Variants in STARD8 observed in about 807,000 individuals in gnomAD.
STARD8 encodes stAR-related lipid transfer protein 8.
In STARD8, 25 loss-of-function variants were observed where a neutral mutation model predicts 69.4. The observed-to-expected ratio is 0.36, with a 90% CI of 0.26 to 0.50. The LOEUF is 0.50. Ranked by LOEUF, STARD8 falls within the 20% of genes least tolerant of loss-of-function variation. The pLI is 0.96. For synonymous variants in STARD8, 389 were observed against 374.6 expected (o/e 1.04, Z -0.45); for missense variants, 921 against 932.5 (o/e 0.99, Z 0.16).
chrX:68,718,181 G>A lies in STARD8; in HGVS notation c.1267G>A (p.Ala423Thr), dbSNP rs374827815. Residue 423 changes from alanine (A) to threonine (T), a missense_variant, in exon 6 of 15, where the codon GCC becomes ACC. Transcript: ENST00000374599. Reference protein sequence around the residue: ...LGPGDEEEEEATSSVEIATVE... With the variant: ...LGPGDEEEEETTSSVEIATVE... ...GCCTGGAGATGAGGAAGAGGAGGAG[G>A]CCACTTCATCAGTAGAAATAGCCAC... 15 of 1,209,956 alleles carry A rather than the reference G, an allele frequency of 1.2e-5. No individual in the cohort carries two copies. Among genetic ancestry groups the A allele is most frequent in the Non-Finnish European group, 1.7e-5 (15 of 895,145 alleles).
intron 2 of STARD8, among the ~76,000 whole-genome samples, chrX:68,675,993 T>C (rs777619855): frequency 1.8e-5 from 2 of 112,006 alleles, no homozygotes; most frequent in Admixed American, 1.9e-4. Context: ...AATGAAAGGA[T>C]TGGATCGGGT....
At chrX:68,652,952 C>CCA (rs1464114640) in intron 1 of STARD8, among the ~76,000 whole-genome samples, 1 of 43,961 alleles carries the variant, frequency 2.3e-5, no homozygotes, top group Non-Finnish European at 4.4e-5. Flanking sequence ...ACACACCACA[C>CCA]CACACACACA....
chrX:68,719,405 G>A lies in STARD8; in HGVS notation c.1889+7G>A. The A allele has an allele frequency of 1.7e-6, 2 of 1,151,343 alleles. No homozygotes were observed. The highest frequency in any genetic ancestry group is 2.3e-6 in the Non-Finnish European group (2 of 863,819). The allele number at this position is 1,151,343 out of a possible 1,213,427, so 94.9% of individuals were successfully genotyped here. A position where few individuals can be genotyped will look rare whatever the true frequency, so the allele number is the denominator to read the frequency against. On this transcript the variant is annotated splice_region_variant and intron_variant, in intron 7 of 14. Coordinates refer to ENST00000374599, the MANE Select transcript of STARD8 (RefSeq NM_001142503.3). ...ACAAGCAGGGCTGGGTCTGGTGAGT[G>A]GCTCCTGGGCCATGGAGGGTGGGGA...
chrX:68,657,782 T>C (rs1417904131), intron 1 of STARD8, among the ~76,000 whole-genome samples: 1 of 109,338 alleles, frequency 9.1e-6, no homozygotes, highest in Non-Finnish European at 1.9e-5. Context: ...ACAACTGGTG[T>C]GATTTACTCG....
chrX:68,647,800 C>G lies in STARD8; in HGVS notation c.-83C>G. On this transcript the variant is annotated 5_prime_UTR_variant, in exon 1 of 15. Coordinates refer to ENST00000374599, the MANE Select transcript of STARD8 (RefSeq NM_001142503.3). ...GGGCTGGCTCTCGCCGAGCCCCGGG[C>G]CTCTTTTAGCCTCGTCCCCAGAGAG... 9.0e-7 allele frequency: 1 copy of G among 1,115,827 alleles called. No homozygotes were observed. Among genetic ancestry groups the G allele is most frequent in the Non-Finnish European group, 1.2e-6 (1 of 830,910 alleles). The allele number at this position is 1,115,827 out of a possible 1,213,427, so 92.0% of individuals were successfully genotyped here.
intron 2 of STARD8, among the ~76,000 whole-genome samples, chrX:68,685,893 G>T (rs1411876150): frequency 2.7e-5 from 3 of 112,291 alleles, no homozygotes; most frequent in Non-Finnish European, 5.6e-5. Context: ...GGCGGTAAAG[G>T]GAGGCCGAGG....
chrX:68,678,716 T>C (rs1219253958), intron 2 of STARD8, among the ~76,000 whole-genome samples: 1 of 112,539 alleles, frequency 8.9e-6, no homozygotes, highest in East Asian at 2.8e-4. Context: ...TCCACAGTCA[T>C]GATCTGATTT....
chrX:68,710,036 G>A (rs1011448436), intron 2 of STARD8, among the ~76,000 whole-genome samples: 1 of 111,504 alleles, frequency 9.0e-6, no homozygotes, highest in Non-Finnish European at 1.9e-5. Flanking sequence ...ACAGCCTGGG[G>A]GGCTGGGGTT....
chrX:68,717,358 C>T lies in STARD8; in HGVS notation c.444C>T (p.Ser148=), dbSNP rs779324293. ...PGLPATSSCE[S]VLTELSATSL... ...TGCCAGCGACCTCAAGCTGTGAGAG[C>T]GTCCTCACCGAGCTTAGTGCCACCT... The change falls in exon 6 of 15, where the codon AGC becomes AGT. Residue 148 remains serine (S), a synonymous_variant. Transcript: ENST00000374599. The T allele has an allele frequency of 2.6e-5, 31 of 1,205,043 alleles. No homozygotes were observed. The highest frequency in any genetic ancestry group is 8.8e-5 in the Admixed American group (4 of 45,380).
chrX:68,703,555 G>A (rs2079982698), intron 2 of STARD8, among the ~76,000 whole-genome samples: 1 of 112,354 alleles, frequency 8.9e-6, no homozygotes, highest in Non-Finnish European at 1.9e-5. Flanking sequence ...CCCTTCCCGG[G>A]GAGGCCACTT....
chrX:68,671,377 A>G (rs1361382899), intron 2 of STARD8, among the ~76,000 whole-genome samples: 1 of 111,429 alleles, frequency 9.0e-6, no homozygotes, highest in East Asian at 2.8e-4. Flanking sequence ...AAAACATCAC[A>G]CTGTTCTGCA....
At chrX:68,713,614 GC>G (rs1462042160) in intron 3 of STARD8, among the ~76,000 whole-genome samples, 1 of 111,457 alleles carries the variant, frequency 9.0e-6, no homozygotes, top group African/African-American at 3.3e-5. Context: ...CTTCTGGAAT[GC>G]CCCCCTTTCC....
chrX:68,696,824 G>A (rs1221571076), intron 2 of STARD8, among the ~76,000 whole-genome samples: 2 of 111,579 alleles, frequency 1.8e-5, no homozygotes, highest in African/African-American at 3.3e-5. Context: ...CCAGTTCCAG[G>A]GAATGTACCA....
chrX:68,684,297 G>C (rs1262880784), intron 2 of STARD8, among the ~76,000 whole-genome samples: 3 of 112,619 alleles, frequency 2.7e-5, no homozygotes, highest in Admixed American at 9.4e-5. Context: ...CAGCAACAGG[G>C]CTCTGTGACT....
chrX:68,691,125 G>GCACA (rs943934643), intron 2 of STARD8, among the ~76,000 whole-genome samples: 15 of 110,181 alleles, frequency 1.4e-4, no homozygotes, highest in Non-Finnish European at 2.9e-4. Context: ...ACACACACAC[G>GCACA]CACACACACA....
intron 1 of STARD8, 47 bp downstream of exon 1, chrX:68,647,974 G>A (rs2079525760): frequency 8.5e-7 from 1 of 1,171,731 alleles, no homozygotes; most frequent in Admixed American, 2.5e-5. Context: ...CAGGGGGGAA[G>A]GAGGCAGATG....
At position 68,700,261 on chromosome X, in the gene STARD8, T is replaced by C. The variant is rs144728573; in HGVS notation, c.80-12653T>C. ...AGGCACTTTCACTTCCATGATTCCATTGTGTTCTTAGAGCAGCCCTGTAAA... is the reference window on the plus strand; with the variant it reads ...AGGCACTTTCACTTCCATGATTCCACTGTGTTCTTAGAGCAGCCCTGTAAA... On this transcript the variant is annotated intron_variant, in intron 2 of 14. Coordinates refer to ENST00000374599, the MANE Select transcript of STARD8 (RefSeq NM_001142503.3). Among the ~76,000 whole-genome samples, 345 of 112,303 alleles carry C rather than the reference T, an allele frequency of 3.1e-3. 4 individuals carry two copies. The highest frequency in any genetic ancestry group is 0.011 in the African/African-American group (338 of 30,927).
chrX:68,712,006 G>T (rs1420481258), intron 2 of STARD8, among the ~76,000 whole-genome samples: 1 of 112,745 alleles, frequency 8.9e-6, no homozygotes, highest in Non-Finnish European at 1.9e-5. Context: ...CTTTGCTGCT[G>T]GTATTTGGCC....
At chrX:68,708,006 C>A (rs1412152108) in intron 2 of STARD8, among the ~76,000 whole-genome samples, 2 of 112,059 alleles carry the variant, frequency 1.8e-5, no homozygotes, top group Non-Finnish European at 3.8e-5. Context: ...CACCTCTTTT[C>A]AACTGGTACA....
Sources: gnomAD v4.1 joint callset for allele counts (sites outside exome capture counted in the v4.1 genomes callset) on GRCh38, gnomAD v4.1.1 for gene constraint, MANE v1.5 for transcripts, NCBI Gene and HGNC (gene_info 2026-07-23, HGNC 2026-07-21) for gene names.